Variants in EPHA6 observed in about 807,000 individuals in gnomAD.
The protein encoded by EPHA6 is EPH receptor A6.
Under a neutral mutation model 112.0 loss-of-function variants are expected in EPHA6, and 50 were observed. That is an observed-to-expected ratio of 0.45 (90% CI 0.36 to 0.56). The LOEUF (loss-of-function observed/expected upper bound fraction) is 0.56. EPHA6 is among the 20% of genes least tolerant of loss of function. The pLI, the probability that EPHA6 is intolerant of heterozygous loss-of-function variation, is 0.00. For missense variants in EPHA6, 1,280 were observed against 1,417.4 expected, an observed-to-expected ratio of 0.90 and a Z score of 1.56; for synonymous variants, 529 against 490.7, an observed-to-expected ratio of 1.08 and a Z score of -1.03.
chr3:96,953,782 A>C (rs959323174), intron 2 of EPHA6, among the ~76,000 whole-genome samples: 1 of 152,204 alleles, frequency 6.6e-6, no homozygotes, highest in African/African-American at 2.4e-5. Flanking sequence ...ACCATTAGCA[A>C]ATCCTGTCCA....
At chr3:97,046,312 A>G (rs944985981) in intron 3 of EPHA6, among the ~76,000 whole-genome samples, 1 of 152,172 alleles carries the variant, frequency 6.6e-6, no homozygotes, top group Non-Finnish European at 1.5e-5. Context: ...TAGCCAATTA[A>G]AGGAGAAATA....
chr3:97,669,128 A>C (rs1162140601), intron 14 of EPHA6, among the ~76,000 whole-genome samples: 2 of 151,938 alleles, frequency 1.3e-5, no homozygotes, highest in Non-Finnish European at 2.9e-5. Context: ...CCAAAGGTAC[A>C]CTAACTGTAG....
intron 14 of EPHA6, among the ~76,000 whole-genome samples, chr3:97,702,917 T>C (rs1300309142): frequency 6.6e-6 from 1 of 152,166 alleles, no homozygotes; most frequent in Non-Finnish European, 1.5e-5. Context: ...TTATCATCAA[T>C]AGCATGAACA....
At chr3:97,004,669 C>T (rs1292465881) in intron 3 of EPHA6, among the ~76,000 whole-genome samples, 2 of 152,136 alleles carry the variant, frequency 1.3e-5, no homozygotes, top group Admixed American at 6.6e-5. Context: ...TCAATTATGG[C>T]TTTTGTTGCA....
chr3:96,843,636 T>C (rs1331011696), intron 1 of EPHA6, among the ~76,000 whole-genome samples: 1 of 151,978 alleles, frequency 6.6e-6, no homozygotes, highest in Non-Finnish European at 1.5e-5. Flanking sequence ...GCTCCAGATA[T>C]ACAGAATAAA....
At chr3:97,149,785 G>A (rs936287017) in intron 3 of EPHA6, among the ~76,000 whole-genome samples, 2 of 150,986 alleles carry the variant, frequency 1.3e-5, no homozygotes, top group African/African-American at 4.9e-5. Context: ...ATCATTTTAA[G>A]TACAAACTTA....
intron 3 of EPHA6, among the ~76,000 whole-genome samples, chr3:97,219,046 AG>A: frequency 6.6e-6 from 1 of 152,252 alleles, no homozygotes; most frequent in Middle Eastern, 3.4e-3. Flanking sequence ...TCTCACTTTC[AG>A]GTCACCCTGA....
chr3:97,126,139 G>A (rs2048176534), intron 3 of EPHA6, among the ~76,000 whole-genome samples: 1 of 152,082 alleles, frequency 6.6e-6, no homozygotes, highest in South Asian at 2.1e-4. Context: ...AGTATTGCTG[G>A]GCTCTTAAAC....
intron 13 of EPHA6, among the ~76,000 whole-genome samples, chr3:97,624,061 G>C (rs2093835027): frequency 1.3e-5 from 2 of 151,576 alleles, no homozygotes; most frequent in Non-Finnish European, 1.5e-5. Flanking sequence ...TTGGAATTCT[G>C]TTAGTTATGT....
chr3:97,350,359 G>A (rs2083748672), intron 5 of EPHA6, among the ~76,000 whole-genome samples: 1 of 152,050 alleles, frequency 6.6e-6, no homozygotes. Flanking sequence ...AGCTACTACA[G>A]AGTATCACAA....
intron 10 of EPHA6, among the ~76,000 whole-genome samples, chr3:97,523,681 A>G (rs2092577688): frequency 6.6e-6 from 1 of 152,042 alleles, no homozygotes; most frequent in Non-Finnish European, 1.5e-5. Flanking sequence ...ACTGTATTAT[A>G]GTCTATCTCT....
chr3:97,726,276 T>A (rs1418373862), intron 15 of EPHA6, among the ~76,000 whole-genome samples: 1 of 152,096 alleles, frequency 6.6e-6, no homozygotes, highest in Non-Finnish European at 1.5e-5. Flanking sequence ...CCCGTTAAGC[T>A]CTACTGTGGA....
chr3:97,000,450 C>G (rs1224128123), intron 3 of EPHA6, among the ~76,000 whole-genome samples: 2 of 151,472 alleles, frequency 1.3e-5, no homozygotes, highest in Non-Finnish European at 3.0e-5. Flanking sequence ...AGTCCAGAGC[C>G]TTACAATGTA....
chr3:96,825,646 A>T (rs2033608944), intron 1 of EPHA6, among the ~76,000 whole-genome samples: 1 of 151,740 alleles, frequency 6.6e-6, no homozygotes, highest in Non-Finnish European at 1.5e-5. Context: ...CTTTATTTTT[A>T]TATTTGAGAA....
chr3:97,068,614 A>AGT (rs1431485128), intron 3 of EPHA6, among the ~76,000 whole-genome samples: 1 of 151,584 alleles, frequency 6.6e-6, no homozygotes, highest in African/African-American at 2.4e-5. Context: ...ACATGTACAC[A>AGT]CTCACACACA....
intron 2 of EPHA6, among the ~76,000 whole-genome samples, chr3:96,876,281 TTTACTC>T (rs1193970232): frequency 6.6e-6 from 1 of 151,774 alleles, no homozygotes; most frequent in African/African-American, 2.4e-5. Context: ...AAGTGATAAA[TTTACTC>T]TTATTTTCTA....
chr3:97,553,251 G>A (rs1056999723), intron 11 of EPHA6, among the ~76,000 whole-genome samples: 2 of 151,794 alleles, frequency 1.3e-5, no homozygotes, highest in South Asian at 2.1e-4. Flanking sequence ...GACCAGCTTT[G>A]TGCCTTCTAC....
chr3:97,348,186 C>T (rs1319407764), intron 5 of EPHA6, among the ~76,000 whole-genome samples: 2 of 151,976 alleles, frequency 1.3e-5, no homozygotes, highest in African/African-American at 4.8e-5. Context: ...ATGCCATAGG[C>T]TAAGTATTAT....
intron 2 of EPHA6, among the ~76,000 whole-genome samples, chr3:96,931,779 C>T (rs2040338751): frequency 6.6e-6 from 1 of 152,190 alleles, no homozygotes; most frequent in Admixed American, 6.5e-5. Context: ...TGTGAGGTAT[C>T]ATGGAAGTGG....
Sources: allele counts gnomAD v4.1 joint callset (sites outside exome capture counted in the v4.1 genomes callset), GRCh38; gene constraint gnomAD v4.1.1; transcripts MANE v1.5; gene names NCBI Gene and HGNC (gene_info 2026-07-23, HGNC 2026-07-21).